Variants in SULT1E1 observed in about 807,000 individuals in gnomAD.
The protein encoded by SULT1E1 is sulfotransferase 1E1.
A neutral mutation model predicts 33.6 loss-of-function variants in SULT1E1; 36 were observed. That is an observed-to-expected ratio of 1.07 (90% CI 0.82 to 1.41). The LOEUF is 1.41. Among genes scored for constraint, SULT1E1 ranks in the 40% most tolerant of loss-of-function variants. SULT1E1 has a pLI of 0.00. For missense variants in SULT1E1, 371 were observed against 345.7 expected (o/e 1.07, Z -0.58); for synonymous variants, 121 against 111.7 (o/e 1.08, Z -0.53).
At chr4:69,840,316 C>T (rs1720859390), downstream of SULT1E1, among the ~76,000 whole-genome samples, 1 of 152,134 alleles carries the variant, frequency 6.6e-6, no homozygotes, top group African/African-American at 2.4e-5. Context: ...GGATTTCTCC[C>T]CAGATTTGGC....
chr4:69,839,108 T>G (rs1272210582), downstream of SULT1E1, among the ~76,000 whole-genome samples: 2 of 152,194 alleles, frequency 1.3e-5, no homozygotes, highest in Non-Finnish European at 2.9e-5. Flanking sequence ...TGGCTCCAAT[T>G]ATGAGCAATT....
downstream of SULT1E1, among the ~76,000 whole-genome samples, chr4:69,840,503 TTC>T (rs1315574322): frequency 1.3e-5 from 2 of 152,228 alleles, no homozygotes; most frequent in African/African-American, 2.4e-5. Flanking sequence ...AAAATTTTAA[TTC>T]TTTTTTCTTC....
intron 6 of SULT1E1, among the ~76,000 whole-genome samples, chr4:69,846,540 T>C (rs2110067286): frequency 6.6e-6 from 1 of 151,574 alleles, no homozygotes; most frequent in Non-Finnish European, 1.5e-5. Flanking sequence ...TGGGTTGTTT[T>C]CAATTTTTGC....
chr4:69,842,872 T>TGTCA (rs1312315176), intron 7 of SULT1E1, among the ~76,000 whole-genome samples: 1 of 151,656 alleles, frequency 6.6e-6, no homozygotes, highest in Non-Finnish European at 1.5e-5. Flanking sequence ...AGTCTCGCTC[T>TGTCA]GTCACCCAGG....
At chr4:69,847,238 C>G (rs768206549) in intron 6 of SULT1E1, among the ~76,000 whole-genome samples, 114 of 151,270 alleles carry the variant, frequency 7.5e-4, no homozygotes, top group Non-Finnish European at 6.4e-4. Flanking sequence ...TCTGCTCTGT[C>G]AATTTTAATA....
At chr4:69,836,717 A>G (rs1211270188), downstream of SULT1E1, among the ~76,000 whole-genome samples, 1 of 152,178 alleles carries the variant, frequency 6.6e-6, no homozygotes, top group Non-Finnish European at 1.5e-5. Flanking sequence ...TCTTTGTTAA[A>G]AGTATAATTT....
At chr4:69,832,881 T>A in the SULT1E1 span, among the ~76,000 whole-genome samples, 1 of 152,116 alleles carries the variant, frequency 6.6e-6, no homozygotes, top group African/African-American at 2.4e-5. Context: ...GAAGTTTACT[T>A]ACACTAAAGG....
At chr4:69,829,850 A>G in the SULT1E1 span, among the ~76,000 whole-genome samples, 3 of 152,178 alleles carry the variant, frequency 2.0e-5, no homozygotes, top group Non-Finnish European at 4.4e-5. Context: ...TATCTACCAT[A>G]AAGTCCATCA....
intron 2 of SULT1E1, among the ~76,000 whole-genome samples, chr4:69,856,057 C>G (rs1423214888): frequency 6.6e-6 from 1 of 152,182 alleles, no homozygotes; most frequent in East Asian, 1.9e-4. Flanking sequence ...GATCCTTCAG[C>G]TTAGCCTTAA....
the SULT1E1 span, among the ~76,000 whole-genome samples, chr4:69,831,812 T>A: frequency 1.3e-5 from 2 of 152,108 alleles, no homozygotes; most frequent in South Asian, 4.1e-4. Flanking sequence ...CAGATGTGGA[T>A]TGTCACTAGC....
chr4:69,826,106 C>T, the SULT1E1 span, among the ~76,000 whole-genome samples: 1 of 152,112 alleles, frequency 6.6e-6, no homozygotes, highest in Non-Finnish European at 1.5e-5. Context: ...ATATGGGGAG[C>T]CTCAGAAACT....
At chr4:69,859,526 A>C (rs2109669719) in intron 1 of SULT1E1, among the ~76,000 whole-genome samples, 1 of 152,290 alleles carries the variant, frequency 6.6e-6, no homozygotes, top group Non-Finnish European at 1.5e-5. Context: ...TATTAGATCA[A>C]GAAGCTCTCT....
At chr4:69,844,461 AT>A in intron 6 of SULT1E1, 120 bp from the exon 7 acceptor site, 1 of 745,822 alleles carries the variant, frequency 1.3e-6, no homozygotes, top group Non-Finnish European at 2.0e-6. Flanking sequence ...TAGATTTCTA[AT>A]GAGAAATCTA....
At chr4:69,844,041 G>C in intron 7 of SULT1E1, 120 bp downstream of exon 7, 1 of 830,688 alleles carries the variant, frequency 1.2e-6, no homozygotes, top group Non-Finnish European at 2.0e-6. Context: ...AAATATGAAA[G>C]ACTGCTGAAG....
chr4:69,848,220 G>A (rs1421030377), intron 5 of SULT1E1, among the ~76,000 whole-genome samples: 34 of 151,424 alleles, frequency 2.2e-4, no homozygotes, highest in Admixed American at 2.2e-3. Context: ...TTACAAACTA[G>A]GTTTGGCAAC....
At chr4:69,828,946 A>C in the SULT1E1 span, among the ~76,000 whole-genome samples, 1 of 152,206 alleles carries the variant, frequency 6.6e-6, no homozygotes, top group Non-Finnish European at 1.5e-5. Context: ...GCAGTCTTTA[A>C]GATCTGAGGC....
intron 1 of SULT1E1, among the ~76,000 whole-genome samples, chr4:69,858,446 T>G (rs1472395246): frequency 6.6e-6 from 1 of 152,142 alleles, no homozygotes; most frequent in Non-Finnish European, 1.5e-5. Flanking sequence ...CTTTCTTTCA[T>G]TAGCTTTCAA....
At chr4:69,847,232 C>T (rs577285570) in intron 6 of SULT1E1, among the ~76,000 whole-genome samples, 2 of 150,816 alleles carry the variant, frequency 1.3e-5, no homozygotes, top group East Asian at 1.9e-4. Context: ...TTCAAATCTG[C>T]TCTGTCAATT....
intron 6 of SULT1E1, among the ~76,000 whole-genome samples, chr4:69,845,779 T>C (rs930911059): frequency 5.9e-5 from 9 of 151,368 alleles, no homozygotes; most frequent in Admixed American, 5.9e-4. Flanking sequence ...GGAGTAACTA[T>C]TTAATTTTGT....
Sources: gnomAD v4.1 joint callset for allele counts (sites outside exome capture counted in the v4.1 genomes callset) on GRCh38, gnomAD v4.1.1 for gene constraint, MANE v1.5 for transcripts, NCBI Gene and HGNC (gene_info 2026-07-23, HGNC 2026-07-21) for gene names.